The following OR51B5 variants were observed in gnomAD, a reference collection of about 807,000 sequenced individuals.
OR51B5 encodes olfactory receptor family 51 subfamily B member 5.
For synonymous variants in OR51B5, 186 were observed against 144.8 expected (o/e 1.28, Z -2.04); for missense variants, 456 against 374.6 (o/e 1.22, Z -1.79).
chr11:5,398,069 C>CA (rs1360441769), intron 1 of OR51B5, among the ~76,000 whole-genome samples: 3 of 151,866 alleles, frequency 2.0e-5, no homozygotes, highest in Admixed American at 1.3e-4. Context: ...GAGGAGGGGG[C>CA]AGGGATAGCA....
upstream of OR51B5, among the ~76,000 whole-genome samples, chr11:5,348,316 C>CT (rs1849025889): frequency 6.6e-6 from 1 of 151,972 alleles, no homozygotes; most frequent in Non-Finnish European, 1.5e-5. Context: ...TTCTCTCCAC[C>CT]TGACTGATTC....
chr11:5,466,314 A>G (rs1193538246), intron 1 of OR51B5, among the ~76,000 whole-genome samples: 1 of 152,192 alleles, frequency 6.6e-6, no homozygotes, highest in Admixed American at 6.5e-5. Flanking sequence ...ATATTTACAT[A>G]TATGTGATGA....
At position 5,462,680 on chromosome 11, in the gene OR51B5, T is replaced by A. The variant is rs1851075818; in HGVS notation, n.84+42889A>T. 2.0e-5 allele frequency among the ~76,000 whole-genome samples: 3 copies of A among 152,254 alleles called. No individual in the cohort carries two copies. In the South Asian group the frequency reaches 6.2e-4, roughly 31 times the overall value. ...TTCCTCATCAGGAGGATATCCAATATTCCATTATCAACTGGACACTTTTCT... is the reference window on the plus strand; with the variant it reads ...TTCCTCATCAGGAGGATATCCAATAATCCATTATCAACTGGACACTTTTCT... On this transcript the variant is annotated intron_variant and non_coding_transcript_variant, in intron 1 of 4. Coordinates refer to the OR51B5 transcript ENST00000415970.
In OR51B5 at chr11:5,450,854, A is replaced by G. The variant is rs752040977; in HGVS notation, n.84+54715T>C. On this transcript the variant is annotated intron_variant and non_coding_transcript_variant, in intron 1 of 4. Coordinates refer to the OR51B5 transcript ENST00000415970. ...CTGTTCCTGTGTTAATTTGCTGAGG[A>G]TGATGGCTTCCAGCCTCATCCATGT... Among the ~76,000 whole-genome samples the G allele has an allele frequency of 5.9e-5, 9 of 152,144 alleles. No individual in the cohort carries two copies. The South Asian group carries it at 1.2e-3, about 21-fold the overall frequency.
intron 1 of OR51B5, chr11:5,453,878 G>A (rs1850901814): frequency 6.2e-7 from 1 of 1,614,044 alleles, no homozygotes; most frequent in African/African-American, 1.3e-5. Context: ...GTGACCCCTT[G>A]CGCTATGCAA....
chr11:5,363,411 T>G (rs946414231), intron 1 of OR51B5, among the ~76,000 whole-genome samples: 2 of 151,126 alleles, frequency 1.3e-5, no homozygotes, highest in Non-Finnish European at 2.9e-5. Context: ...AATCACCAAT[T>G]AATTGTTCCT....
At chr11:5,406,896 A>C (rs4910781) in intron 1 of OR51B5, among the ~76,000 whole-genome samples, 52,161 of 151,998 alleles carry the variant, frequency 0.34, 9,191 homozygotes, top group South Asian at 0.42. Context: ...TTGGAGTACA[A>C]GGAGACAACT....
At chr11:5,402,472 T>C (rs1015216601) in intron 1 of OR51B5, 1 of 360,292 alleles carries the variant, frequency 2.8e-6, no homozygotes, top group Admixed American at 3.8e-5. Context: ...GCCACATAAA[T>C]CTGTGAGTTT....
chr11:5,343,692 C>A, upstream of OR51B5: 1 of 522,698 alleles, frequency 1.9e-6, no homozygotes, highest in Non-Finnish European at 3.3e-6. Context: ...CAGGGTTACT[C>A]ATACTATTTG....
At chr11:5,453,582 T>C in intron 1 of OR51B5, 1 of 1,613,250 alleles carries the variant, frequency 6.2e-7, no homozygotes, top group Non-Finnish European at 8.5e-7. Context: ...AGGGCCCCTC[T>C]GCGTGATGTA....
intron 1 of OR51B5, among the ~76,000 whole-genome samples, chr11:5,360,088 G>T (rs1849257031): frequency 6.6e-6 from 1 of 151,906 alleles, no homozygotes; most frequent in Admixed American, 6.6e-5. Flanking sequence ...GCATGGGCAA[G>T]GACTTCATGT....
intron 1 of OR51B5, chr11:5,453,442 C>G (rs374880132): frequency 7.3e-7 from 1 of 1,368,502 alleles, no homozygotes; most frequent in African/African-American, 1.5e-5. Context: ...TAGAATTCTC[C>G]AAGTCAGAAG....
At chr11:5,349,404 GT>G (rs10688772) in intron 1 of OR51B5, among the ~76,000 whole-genome samples, 14 of 150,562 alleles carry the variant, frequency 9.3e-5, no homozygotes, top group African/African-American at 3.2e-4. Context: ...TCCTACTCCT[GT>G]TTTTTTTTAA....
At chr11:5,396,823 C>A (rs922131724) in intron 1 of OR51B5, among the ~76,000 whole-genome samples, 5 of 152,076 alleles carry the variant, frequency 3.3e-5, no homozygotes, top group Admixed American at 1.3e-4. Flanking sequence ...GCTACAGTAA[C>A]CAAAACAGCA....
chr11:5,477,022 G>A (rs1851318244), intron 1 of OR51B5, among the ~76,000 whole-genome samples: 1 of 152,176 alleles, frequency 6.6e-6, no homozygotes, highest in African/African-American at 2.4e-5. Flanking sequence ...ATACTGTTTT[G>A]TATATTTTAA....
chr11:5,359,613 T>A (rs71488529), intron 1 of OR51B5, among the ~76,000 whole-genome samples: 31,307 of 137,664 alleles, frequency 0.23, 3,923 homozygotes, highest in African/African-American at 0.26. Context: ...AAGCTACCAA[T>A]GACTTTCTTC....
chr11:5,346,717 G>C (rs552855461), upstream of OR51B5, among the ~76,000 whole-genome samples: 11 of 150,242 alleles, frequency 7.3e-5, no homozygotes, highest in Admixed American at 7.3e-4. Context: ...CCAAAGCTGT[G>C]GACTATTGAG....
At chr11:5,422,107 G>A (rs1474950504) in intron 1 of OR51B5, 10 of 983,738 alleles carry the variant, frequency 1.0e-5, no homozygotes, top group Admixed American at 2.4e-5. Context: ...TATTTGTGTA[G>A]AATTTGGATT....
intron 1 of OR51B5, among the ~76,000 whole-genome samples, chr11:5,491,821 T>G (rs529894647): frequency 6.6e-6 from 1 of 152,320 alleles, no homozygotes; most frequent in Admixed American, 6.5e-5. Flanking sequence ...GTTTTACCTA[T>G]GCACTAAAAA....
Sources: gnomAD v4.1 joint callset for allele counts (sites outside exome capture counted in the v4.1 genomes callset) on GRCh38, gnomAD v4.1.1 for gene constraint, MANE v1.5 for transcripts, NCBI Gene and HGNC (gene_info 2026-07-23, HGNC 2026-07-21) for gene names.